The following GOLIM4 variants were observed in gnomAD, a reference collection of about 807,000 sequenced individuals.
GOLIM4 encodes the protein 130 kDa golgi-localized phosphoprotein.
Under a neutral mutation model 107.4 loss-of-function variants are expected in GOLIM4, and 71 were observed. The observed-to-expected ratio is 0.66, with a 90% CI of 0.55 to 0.81. The LOEUF is 0.81. Among genes scored for constraint, GOLIM4 ranks in the 30% least tolerant of loss-of-function variants. The pLI, the probability that GOLIM4 is intolerant of heterozygous loss-of-function variation, is 0.00. For missense variants in GOLIM4, 830 were observed against 826.1 expected (o/e 1.00, Z -0.06); for synonymous variants, 327 against 294.8 (o/e 1.11, Z -1.12).
chr3:168,080,733 T>C (rs1480192733), intron 1 of GOLIM4, among the ~76,000 whole-genome samples: 1 of 152,152 alleles, frequency 6.6e-6, no homozygotes, highest in Non-Finnish European at 1.5e-5. Flanking sequence ...GACACAGAAA[T>C]GCAGGTCCAG....
At chr3:168,092,892 AT>A (rs1721983261) in intron 1 of GOLIM4, among the ~76,000 whole-genome samples, 1 of 152,252 alleles carries the variant, frequency 6.6e-6, no homozygotes, top group Non-Finnish European at 1.5e-5. Flanking sequence ...TGAAATAATT[AT>A]TCATGCACAA....
intron 8 of GOLIM4, among the ~76,000 whole-genome samples, chr3:168,033,520 T>A: frequency 7.4e-6 from 1 of 135,154 alleles, no homozygotes; most frequent in East Asian, 2.3e-4. Context: ...GGCAGGAGAA[T>A]GGCGTGAACC....
At chr3:168,061,915 G>A (rs1720294953) in intron 1 of GOLIM4, among the ~76,000 whole-genome samples, 1 of 152,122 alleles carries the variant, frequency 6.6e-6, no homozygotes, top group East Asian at 1.9e-4. Context: ...TGGCTACACT[G>A]TTTGCTTTGT....
chr3:168,044,965 CTTTA>C (rs999416805), intron 3 of GOLIM4, 84 bp from the exon 4 acceptor site: 7 of 737,066 alleles, frequency 9.5e-6, no homozygotes, highest in South Asian at 5.5e-5. Flanking sequence ...TAAAATATAA[CTTTA>C]TTTATTTCAC....
Position 168,029,277 on chromosome 3 carries a change from C to T in GOLIM4, c.1459G>A (p.Asp487Asn). ...LRQQAHYDAM[D>N]NDIVQGAEDQ... is the part of the protein sequence containing the mutation. Reference sequence around the variant, plus strand: ...TCTGCTCCCTGAACGATATCATTATCCATAGCATCATAATGAGCTTGCTGC... The same window carrying T: ...TCTGCTCCCTGAACGATATCATTATTCATAGCATCATAATGAGCTTGCTGC... Residue 487 changes from aspartate (D) to asparagine (N), a missense_variant, in exon 11 of 16, where the codon GAT (aspartate) becomes AAT (asparagine). Physicochemically the swap from Asp to Asn is conservative, Grantham distance 23. Transcript: ENST00000470487. 1 of 1,608,380 alleles carries T rather than the reference C, an allele frequency of 6.2e-7. No individual in the cohort carries two copies. Among genetic ancestry groups the T allele is most frequent in the South Asian group, 1.1e-5 (1 of 90,158 alleles).
chr3:168,081,010 T>TCAAA (rs1005551552), intron 1 of GOLIM4, among the ~76,000 whole-genome samples: 1 of 152,108 alleles, frequency 6.6e-6, no homozygotes. Flanking sequence ...GTAGTGAGCA[T>TCAAA]CAAACCACCC....
intron 1 of GOLIM4, among the ~76,000 whole-genome samples, chr3:168,053,301 T>C (rs1196038068): frequency 1.3e-5 from 2 of 152,226 alleles, no homozygotes; most frequent in East Asian, 1.9e-4. Context: ...CTAAGTGTTT[T>C]GACATCTTAA....
chr3:168,029,044 A>G (rs1718162608), intron 11 of GOLIM4, among the ~76,000 whole-genome samples, 179 bp downstream of exon 11: 1 of 152,182 alleles, frequency 6.6e-6, no homozygotes, highest in South Asian at 2.1e-4. Flanking sequence ...TATCTTGAGC[A>G]TTTTTCACTA....
intron 1 of GOLIM4, among the ~76,000 whole-genome samples, chr3:168,081,830 AAT>A (rs1721385453): frequency 6.6e-6 from 1 of 152,172 alleles, no homozygotes; most frequent in Non-Finnish European, 1.5e-5. Context: ...AGAAATTACT[AAT>A]GGATTCTAGG....
intron 1 of GOLIM4, among the ~76,000 whole-genome samples, chr3:168,082,132 C>T (rs1328640177): frequency 6.6e-6 from 1 of 152,132 alleles, no homozygotes; most frequent in Non-Finnish European, 1.5e-5. Flanking sequence ...AACTGATTAA[C>T]GCTATGGCTT....
At chr3:168,041,132 C>A in intron 6 of GOLIM4, 3 of 507,304 alleles carry the variant, frequency 5.9e-6, no homozygotes, top group South Asian at 3.3e-5. Flanking sequence ...TATTAGTAAA[C>A]TTTTATAAAT....
At position 168,074,787 on chromosome 3, in the gene GOLIM4, T is replaced by G. The variant is rs1720991605; in HGVS notation, c.187+20312A>C. Among the ~76,000 whole-genome samples the G allele has an allele frequency of 3.9e-5, 6 of 152,174 alleles. No individual in the cohort carries two copies. The South Asian group carries it at 1.2e-3, about 32-fold the overall frequency. Reference sequence around the variant, plus strand: ...GAAATATTACAACTTGGGAAGATCCTAGATATGTATTTGGAAAACAGTAAA... The same window carrying G: ...GAAATATTACAACTTGGGAAGATCCGAGATATGTATTTGGAAAACAGTAAA... On this transcript the variant is annotated intron_variant, in intron 1 of 15. Transcript: ENST00000470487.
intron 1 of GOLIM4, among the ~76,000 whole-genome samples, chr3:168,057,655 T>C (rs909477142): frequency 1.3e-5 from 2 of 152,154 alleles, no homozygotes; most frequent in African/African-American, 4.8e-5. Context: ...CTAGATGAGA[T>C]TTGGGTGGGG....
chr3:168,092,497 C>T (rs1560114908), intron 1 of GOLIM4, among the ~76,000 whole-genome samples: 1 of 152,098 alleles, frequency 6.6e-6, no homozygotes, highest in Non-Finnish European at 1.5e-5. Flanking sequence ...CTGAAGGTGA[C>T]CTAAATACGC....
intron 6 of GOLIM4, 148 bp from the exon 7 acceptor site, chr3:168,041,017 A>G (rs1718966637): frequency 1.7e-6 from 1 of 593,474 alleles, no homozygotes; most frequent in South Asian, 2.1e-5. Flanking sequence ...CATCGTAGAG[A>G]GAACACTACG....
intron 1 of GOLIM4, among the ~76,000 whole-genome samples, chr3:168,052,143 T>G (rs1719683246): frequency 6.6e-6 from 1 of 152,154 alleles, no homozygotes; most frequent in Non-Finnish European, 1.5e-5. Context: ...TAATAATAGA[T>G]GTATCTCTTT....
chr3:168,079,320 C>G (rs1721224575), intron 1 of GOLIM4, among the ~76,000 whole-genome samples: 1 of 152,130 alleles, frequency 6.6e-6, no homozygotes, highest in Non-Finnish European at 1.5e-5. Flanking sequence ...AAGCCAGACA[C>G]AAGAGCATAT....
intron 14 of GOLIM4, among the ~76,000 whole-genome samples, chr3:168,022,261 G>A (rs9824702): frequency 0.029 from 4,470 of 151,890 alleles, 204 homozygotes; most frequent in African/African-American, 0.1. Context: ...GAAGGGAAGC[G>A]ATGGCAGCCA....
At chr3:168,054,095 C>T (rs1394916487) in intron 1 of GOLIM4, among the ~76,000 whole-genome samples, 1 of 152,214 alleles carries the variant, frequency 6.6e-6, no homozygotes, top group Non-Finnish European at 1.5e-5. Context: ...TCACAGATGA[C>T]TCCCAAACCA....
Sources: gnomAD v4.1 joint callset for allele counts (sites outside exome capture counted in the v4.1 genomes callset) on GRCh38, gnomAD v4.1.1 for gene constraint, MANE v1.5 for transcripts, NCBI Gene and HGNC (gene_info 2026-07-23, HGNC 2026-07-21) for gene names.